The following HECW2 variants were observed in gnomAD, a reference collection of about 807,000 sequenced individuals.
HECW2 encodes the protein HECT, C2 and WW domain containing E3 ubiquitin protein ligase 2, also known as E3 ubiquitin-protein ligase HECW2.
In HECW2, 61 loss-of-function variants were observed where a neutral mutation model predicts 175.2. The ratio of observed to expected loss-of-function variants is 0.35; its 90% CI spans 0.28 to 0.43. HECW2 has a LOEUF of 0.43. Ranked by LOEUF, HECW2 falls within the 20% of genes least tolerant of loss-of-function variation. The pLI is 1.00. For synonymous variants in HECW2, 671 were observed against 731.0 expected, an observed-to-expected ratio of 0.92 and a Z score of 1.32; for missense variants, 1,524 against 2,000.5, an observed-to-expected ratio of 0.76 and a Z score of 4.54.
At chr2:196,501,327 A>G (rs1687571646) in intron 1 of HECW2, among the ~76,000 whole-genome samples, 1 of 152,212 alleles carries the variant, frequency 6.6e-6, no homozygotes, top group Non-Finnish European at 1.5e-5. Context: ...TCTGTTGCCC[A>G]GGCTGGAGCA....
At chr2:196,589,227 C>T (rs1691095481) in intron 1 of HECW2, among the ~76,000 whole-genome samples, 1 of 152,088 alleles carries the variant, frequency 6.6e-6, no homozygotes, top group Non-Finnish European at 1.5e-5. Context: ...TAAATTTCTT[C>T]TTATTTAGAC....
intron 21 of HECW2, among the ~76,000 whole-genome samples, chr2:196,232,076 T>C (rs1226772090): frequency 6.6e-6 from 1 of 151,940 alleles, no homozygotes; most frequent in Non-Finnish European, 1.5e-5. Flanking sequence ...AGGCACAGAG[T>C]GAGCACCCGT....
chr2:196,532,373 C>T (rs1559162355), intron 1 of HECW2, among the ~76,000 whole-genome samples: 1 of 152,086 alleles, frequency 6.6e-6, no homozygotes, highest in Non-Finnish European at 1.5e-5. Flanking sequence ...CAAACTATCA[C>T]AAGAACAGAA....
chr2:196,498,689 C>T (rs768432838), intron 1 of HECW2, among the ~76,000 whole-genome samples: 10 of 152,166 alleles, frequency 6.6e-5, no homozygotes, highest in Non-Finnish European at 1.3e-4. Flanking sequence ...GGTTAGTTTA[C>T]GGTAGAGGCC....
rs1056288116 is a variant in HECW2 at position 196,194,230 on chromosome 2, A to C, written c.*7047T>G. 5 of 151,448 alleles carry C rather than the reference A, an allele frequency of 3.3e-5. No homozygotes were observed. The highest frequency in any genetic ancestry group is 7.4e-5 in the Non-Finnish European group (5 of 67,818). 9.4% of individuals were successfully genotyped at this position (151,448 alleles called of 1,614,324 possible). ...ATAAAAATATAAATAAAAATAAACAAAATACTATAAATACTATGAAAACAG... is the reference window on the plus strand; with the variant it reads ...ATAAAAATATAAATAAAAATAAACACAATACTATAAATACTATGAAAACAG... On this transcript the variant is annotated 3_prime_UTR_variant, in exon 29 of 29. Coordinates refer to ENST00000644978, the MANE Select transcript of HECW2 (RefSeq NM_001348768.2).
At chr2:196,463,158 C>A (rs1696814467) in intron 1 of HECW2, among the ~76,000 whole-genome samples, 1 of 152,156 alleles carries the variant, frequency 6.6e-6, no homozygotes, top group African/African-American at 2.4e-5. Flanking sequence ...GGGTGTATAA[C>A]AGAAGGGGTG....
At chr2:196,358,029 G>A (rs1002282050) in intron 2 of HECW2, among the ~76,000 whole-genome samples, 4 of 152,172 alleles carry the variant, frequency 2.6e-5, no homozygotes, top group African/African-American at 9.7e-5. Context: ...CAGGTGCAAT[G>A]AGAATATTAC....
chr2:196,381,644 G>C (rs1694210180), intron 2 of HECW2, among the ~76,000 whole-genome samples: 2 of 152,070 alleles, frequency 1.3e-5, no homozygotes, highest in Non-Finnish European at 2.9e-5. Context: ...GAGTTTCCCA[G>C]AAATCAGACC....
chr2:196,253,457 A>T (rs1688934158), intron 19 of HECW2, among the ~76,000 whole-genome samples: 1 of 152,210 alleles, frequency 6.6e-6, no homozygotes, highest in Non-Finnish European at 1.5e-5. Context: ...ACCTATCAAC[A>T]TCTTCTATCT....
intron 22 of HECW2, among the ~76,000 whole-genome samples, 166 bp downstream of exon 22, chr2:196,227,936 A>G (rs1687913658): frequency 6.6e-6 from 1 of 152,218 alleles, no homozygotes; most frequent in Non-Finnish European, 1.5e-5. Flanking sequence ...GAGACTGCCT[A>G]TATATTTAAA....
chr2:196,445,797 G>A lies in HECW2; in HGVS notation c.-35-12339C>T, dbSNP rs557157692. On this transcript the variant is annotated intron_variant, in intron 1 of 28. Transcript: ENST00000644978. The stretch of plus-strand genomic sequence containing the variant: ...TGCATTTTAGGCCATACTAGAGTAC[G>A]ACTAAAAAATATGGCGTGCATTCTA... Among the ~76,000 whole-genome samples, 12 of 152,248 alleles carry A rather than the reference G, an allele frequency of 7.9e-5. No homozygotes were observed. The South Asian group carries it at 2.1e-3, about 26-fold the overall frequency.
intron 2 of HECW2, among the ~76,000 whole-genome samples, chr2:196,432,827 G>A (rs1337302000): frequency 6.6e-6 from 1 of 152,200 alleles, no homozygotes; most frequent in African/African-American, 2.4e-5. Flanking sequence ...CTGATCAAGA[G>A]AAAGGTGAAG....
intron 1 of HECW2, among the ~76,000 whole-genome samples, chr2:196,573,387 T>G (rs1383091367): frequency 6.6e-6 from 1 of 152,008 alleles, no homozygotes; most frequent in Non-Finnish European, 1.5e-5. Flanking sequence ...TTTTTTTAAT[T>G]TTTTGCCCTA....
chr2:196,246,935 A>C (rs984351078), intron 19 of HECW2, among the ~76,000 whole-genome samples: 1 of 152,220 alleles, frequency 6.6e-6, no homozygotes, highest in Admixed American at 6.5e-5. Flanking sequence ...TTCCATCATG[A>C]AAGAAGTCAT....
chr2:196,496,417 T>C (rs1559143229), intron 1 of HECW2, among the ~76,000 whole-genome samples: 1 of 152,112 alleles, frequency 6.6e-6, no homozygotes, highest in African/African-American at 2.4e-5. Flanking sequence ...TGTATATATA[T>C]ATATAGTACA....
intron 1 of HECW2, among the ~76,000 whole-genome samples, chr2:196,538,027 G>C (rs2125461277): frequency 1.3e-5 from 2 of 152,246 alleles, no homozygotes; most frequent in East Asian, 3.9e-4. Flanking sequence ...GGAGATCCAA[G>C]AACCCTCTGT....
In HECW2 at chr2:196,529,441, T is replaced by C. The variant is rs553820129; in HGVS notation, c.-36+64067A>G. ...TCCACCACTAATTCTCTTTGTGATC[T>C]CGGGCAAGTCACAACCCACCTGAAC... On this transcript the variant is annotated intron_variant, in intron 1 of 28. Coordinates refer to ENST00000644978, the MANE Select transcript of HECW2 (RefSeq NM_001348768.2). Among the ~76,000 whole-genome samples, 99 of 152,346 alleles carry C rather than the reference T, an allele frequency of 6.5e-4. 1 individual carries two copies. The highest frequency in any genetic ancestry group is 1.2e-3 in the Non-Finnish European group (84 of 68,032).
intron 7 of HECW2, 34 bp from the exon 8 acceptor site, chr2:196,320,473 T>TCCAGCGTAGTCAGGATGAA: frequency 7.1e-7 from 1 of 1,412,764 alleles, no homozygotes; most frequent in Non-Finnish European, 1.0e-6. Flanking sequence ...TCATCCTGAC[T>TCCAGCGTAGTCAGGATGAA]ACGCTGGAGT....
At chr2:196,300,676 A>ACATATC (rs1553494700) in intron 13 of HECW2, among the ~76,000 whole-genome samples, 5 of 150,768 alleles carry the variant, frequency 3.3e-5, no homozygotes, top group African/African-American at 1.2e-4. Flanking sequence ...ATCTATACAT[A>ACATATC]TATATCTATA....
Sources: gnomAD v4.1 joint callset for allele counts (sites outside exome capture counted in the v4.1 genomes callset) on GRCh38, gnomAD v4.1.1 for gene constraint, MANE v1.5 for transcripts, NCBI Gene and HGNC (gene_info 2026-07-23, HGNC 2026-07-21) for gene names.